The following NRXN3 variants were observed in gnomAD, a reference collection of about 807,000 sequenced individuals.
NRXN3 encodes neurexin III.
Under a neutral mutation model 137.6 loss-of-function variants are expected in NRXN3, and 32 were observed. That is an observed-to-expected ratio of 0.23 (90% CI 0.18 to 0.31). NRXN3 has a LOEUF of 0.31. Ranked by LOEUF, NRXN3 falls within the 10% of genes least tolerant of loss-of-function variation. The pLI is 1.00. For missense variants in NRXN3, 1,574 were observed against 2,062.5 expected, an observed-to-expected ratio of 0.76 and a Z score of 4.59; for synonymous variants, 798 against 784.5, an observed-to-expected ratio of 1.02 and a Z score of -0.29.
intron 16 of NRXN3, among the ~76,000 whole-genome samples, chr14:79,609,281 A>G (rs2153860766): frequency 6.6e-6 from 1 of 152,304 alleles, no homozygotes; most frequent in South Asian, 2.1e-4. Context: ...TTATTCCACC[A>G]AAAGAGGTTA....
At chr14:78,611,148 A>C (rs1024076255) in intron 4 of NRXN3, among the ~76,000 whole-genome samples, 4 of 152,176 alleles carry the variant, frequency 2.6e-5, no homozygotes, top group Admixed American at 1.3e-4. Flanking sequence ...GAAAAATGGC[A>C]GCTAAATGCA....
At chr14:78,619,846 T>G (rs2097382541) in intron 4 of NRXN3, among the ~76,000 whole-genome samples, 1 of 152,104 alleles carries the variant, frequency 6.6e-6, no homozygotes, top group African/African-American at 2.4e-5. Context: ...TGGACTAATA[T>G]AATGCCCTTA....
intron 15 of NRXN3, among the ~76,000 whole-genome samples, chr14:79,314,823 A>C (rs892725587): frequency 3.4e-5 from 5 of 148,404 alleles, no homozygotes; most frequent in Admixed American, 2.0e-4. Flanking sequence ...CTCACACGGC[A>C]GGGTATTCCA....
intron 10 of NRXN3, among the ~76,000 whole-genome samples, chr14:78,923,363 T>C (rs1260941157): frequency 6.6e-6 from 1 of 152,208 alleles, no homozygotes; most frequent in East Asian, 1.9e-4. Flanking sequence ...AAGGTTTGAG[T>C]ATGTTCGATG....
At chr14:78,808,989 T>C (rs1242646792) in intron 9 of NRXN3, among the ~76,000 whole-genome samples, 1 of 152,128 alleles carries the variant, frequency 6.6e-6, no homozygotes, top group Non-Finnish European at 1.5e-5. Context: ...CCTTTTAGTA[T>C]CTAACGGTAA....
At chr14:79,065,292 C>T (rs1366549860) in intron 15 of NRXN3, among the ~76,000 whole-genome samples, 1 of 151,920 alleles carries the variant, frequency 6.6e-6, no homozygotes, top group Non-Finnish European at 1.5e-5. Context: ...TAAGATTTTG[C>T]CAGGTCAAGA....
At chr14:79,175,043 C>G (rs1428342966) in intron 15 of NRXN3, among the ~76,000 whole-genome samples, 5 of 149,206 alleles carry the variant, frequency 3.4e-5, no homozygotes, top group Admixed American at 1.3e-4. Context: ...TGCAGTGGTG[C>G]CATCTCGGCT....
At chr14:79,058,330 G>C (rs545842192) in intron 15 of NRXN3, among the ~76,000 whole-genome samples, 1 of 152,182 alleles carries the variant, frequency 6.6e-6, no homozygotes, top group East Asian at 1.9e-4. Flanking sequence ...TGTTGCTCCA[G>C]GTTTTTAGAA....
At chr14:78,182,678 TC>T (rs1246958792) in intron 1 of NRXN3, among the ~76,000 whole-genome samples, 2 of 151,624 alleles carry the variant, frequency 1.3e-5, no homozygotes, top group Non-Finnish European at 2.9e-5. Context: ...TCCATGTTAG[TC>T]AGGCTGGTCT....
intron 15 of NRXN3, among the ~76,000 whole-genome samples, chr14:79,308,133 C>T (rs184641554): frequency 4.0e-4 from 61 of 152,132 alleles, no homozygotes; most frequent in African/African-American, 1.4e-3. Flanking sequence ...CTTTAAAGGC[C>T]CTGTCTTCTA....
At chr14:79,212,161 A>T (rs1029672432) in intron 15 of NRXN3, among the ~76,000 whole-genome samples, 3 of 152,164 alleles carry the variant, frequency 2.0e-5, no homozygotes, top group African/African-American at 7.2e-5. Context: ...AGGAAAACAG[A>T]CAGAGCCCCT....
At chr14:78,297,985 G>A in intron 4 of NRXN3, 125 bp downstream of exon 4, 1 of 1,178,630 alleles carries the variant, frequency 8.5e-7, no homozygotes, top group Admixed American at 2.2e-5. Flanking sequence ...CGCTGGGCCA[G>A]GCTGGCTGCA....
chr14:79,371,762 A>T (rs1236235873), intron 15 of NRXN3, among the ~76,000 whole-genome samples: 1 of 152,146 alleles, frequency 6.6e-6, no homozygotes, highest in Non-Finnish European at 1.5e-5. Context: ...ATGCACCTTC[A>T]TAGTAATGGT....
At chr14:78,831,216 A>T (rs897670057) in intron 10 of NRXN3, among the ~76,000 whole-genome samples, 2 of 152,134 alleles carry the variant, frequency 1.3e-5, no homozygotes, top group South Asian at 2.1e-4. Context: ...TCCAAATTAT[A>T]GCATGCAGGT....
chr14:78,222,973 A>G (rs1199035863), intron 1 of NRXN3, among the ~76,000 whole-genome samples: 1 of 152,234 alleles, frequency 6.6e-6, no homozygotes, highest in Non-Finnish European at 1.5e-5. Flanking sequence ...TAGTATATCC[A>G]TCTCCACATA....
At chr14:79,409,919 C>G (rs1224481197) in intron 15 of NRXN3, among the ~76,000 whole-genome samples, 1 of 151,668 alleles carries the variant, frequency 6.6e-6, no homozygotes, top group Non-Finnish European at 1.5e-5. Context: ...TTAATTACAA[C>G]CACAGAACTT....
chr14:78,882,218 G>C (rs1231784545), intron 10 of NRXN3, among the ~76,000 whole-genome samples: 10 of 151,806 alleles, frequency 6.6e-5, no homozygotes, highest in Admixed American at 4.6e-4. Context: ...AGCTCTACTA[G>C]GGCAGTGCAG....
At chr14:79,583,797 G>A (rs1251571209) in intron 16 of NRXN3, among the ~76,000 whole-genome samples, 1 of 152,098 alleles carries the variant, frequency 6.6e-6, no homozygotes, top group African/African-American at 2.4e-5. Context: ...GCAAAATAGA[G>A]GGAACGATGA....
Position 78,709,312 on chromosome 14 carries a change from G to A in NRXN3, c.1317G>A (p.Lys439=). ...AAATCTATGGCGAAGTTGTGTTTAA[G>A]TGTGAGAATGTGGCCACACTGGACC... ...KMKIYGEVVF[K]CENVATLDPI... is the part of the protein sequence containing the mutation. Residue 439 remains lysine (K), a synonymous_variant, in exon 7 of 21, where the codon AAG becomes AAA. Coordinates refer to ENST00000335750, the MANE Select transcript of NRXN3 (RefSeq NM_001330195.2). 3 of 1,614,122 alleles carry A rather than the reference G, an allele frequency of 1.9e-6. No homozygotes were observed. Among genetic ancestry groups the A allele is most frequent in the South Asian group, 1.1e-5 (1 of 91,076 alleles).
Sources: allele counts gnomAD v4.1 joint callset (sites outside exome capture counted in the v4.1 genomes callset), GRCh38; gene constraint gnomAD v4.1.1; transcripts MANE v1.5; gene names NCBI Gene and HGNC (gene_info 2026-07-23, HGNC 2026-07-21).